Variants in SPIDR observed in about 807,000 individuals in gnomAD.
SPIDR encodes the protein scaffold protein involved in DNA repair.
A neutral mutation model predicts 104.6 loss-of-function variants in SPIDR; 93 were observed. The ratio of observed to expected loss-of-function variants is 0.89; its 90% CI spans 0.75 to 1.06. The LOEUF (loss-of-function observed/expected upper bound fraction) is 1.06. Ranked by LOEUF, SPIDR falls within the 50% of genes least tolerant of loss-of-function variation. The probability of loss-of-function intolerance (pLI) is 0.00; values close to 1 mark genes in which losing one functional copy is unlikely to be tolerated. For missense variants in SPIDR, 1,154 were observed against 1,111.2 expected (o/e 1.04, Z -0.55); for synonymous variants, 431 against 416.9 (o/e 1.03, Z -0.41).
At chr8:47,481,258 TCTGG>T (rs2076869293) in intron 8 of SPIDR, among the ~76,000 whole-genome samples, 1 of 152,198 alleles carries the variant, frequency 6.6e-6, no homozygotes, top group Non-Finnish European at 1.5e-5. Context: ...ATGAGAGAGA[TCTGG>T]GGAAAGAGAT....
intron 8 of SPIDR, among the ~76,000 whole-genome samples, chr8:47,471,767 ACTT>A (rs1390783228): frequency 1.3e-4 from 20 of 152,224 alleles, no homozygotes; most frequent in Admixed American, 3.9e-4. Context: ...ATTATTGGCT[ACTT>A]CTTCTCTGGT....
At chr8:47,398,604 A>G (rs2061500533) in intron 6 of SPIDR, among the ~76,000 whole-genome samples, 1 of 152,186 alleles carries the variant, frequency 6.6e-6, no homozygotes, top group Non-Finnish European at 1.5e-5. Flanking sequence ...GACAATCATG[A>G]GGCTTTTGGC....
chr8:47,345,238 G>T (rs1472063150), intron 5 of SPIDR, among the ~76,000 whole-genome samples: 1 of 152,126 alleles, frequency 6.6e-6, no homozygotes, highest in Non-Finnish European at 1.5e-5. Flanking sequence ...CCCATTTCTT[G>T]TTTTTGTCAG....
rs781585112 is a variant in SPIDR at position 47,712,670 on chromosome 8, T to A, written c.1986T>A (p.Ser662Arg). 2.0e-5 allele frequency: 33 copies of A among 1,613,770 alleles called. No individual in the cohort carries two copies. The Admixed American group carries it at 2.2e-4, about 11-fold the overall frequency. Residue 662 changes from serine (S) to arginine (R), a missense_variant, in exon 15 of 20, where the codon AGT (serine) becomes AGA (arginine). Physicochemically the swap from Ser to Arg is moderately radical, Grantham distance 110 (BLOSUM62 -1). Transcript: ENST00000297423. ...GTGTCTTCAAATTGTAGCTGAAGAG[T>A]CTGCTGCTTCTGGAGCAAAGGGAGA... ...TVIYQKPQLK[S>R]LLLLEQREIW...
chr8:47,534,424 T>C (rs949593134), intron 8 of SPIDR, among the ~76,000 whole-genome samples: 4 of 152,206 alleles, frequency 2.6e-5, no homozygotes, highest in South Asian at 2.1e-4. Context: ...AATGTACATA[T>C]ACACCATGGA....
chr8:47,283,117 G>C (rs1480786890), intron 2 of SPIDR, among the ~76,000 whole-genome samples: 4 of 152,190 alleles, frequency 2.6e-5, no homozygotes, highest in Non-Finnish European at 4.4e-5. Flanking sequence ...TGGCCTCCCA[G>C]AGTTCTGGGA....
chr8:47,451,320 G>A (rs1585920551), intron 8 of SPIDR, among the ~76,000 whole-genome samples: 2 of 152,044 alleles, frequency 1.3e-5, no homozygotes, highest in South Asian at 2.1e-4. Flanking sequence ...GTGACTTAAC[G>A]CCTGTAATCC....
chr8:47,693,566 G>A (rs1182212914), intron 11 of SPIDR, among the ~76,000 whole-genome samples: 1 of 152,182 alleles, frequency 6.6e-6, no homozygotes, highest in Non-Finnish European at 1.5e-5. Context: ...AGCGTTATGC[G>A]CCTCCCAGGC....
intron 5 of SPIDR, among the ~76,000 whole-genome samples, chr8:47,326,085 C>G (rs1421608875): frequency 6.6e-6 from 1 of 152,204 alleles, no homozygotes; most frequent in African/African-American, 2.4e-5. Flanking sequence ...CCTCCACCTC[C>G]CCAGTCTCAG....
Position 47,545,903 on chromosome 8 carries a change from T to C in SPIDR, c.1098-49908T>C, listed in dbSNP as rs918406619. Among the ~76,000 whole-genome samples, 6 of 152,194 alleles carry C rather than the reference T, an allele frequency of 3.9e-5. No homozygotes were observed. The East Asian group carries it at 1.2e-3, about 29-fold the overall frequency. On this transcript the variant is annotated intron_variant, in intron 8 of 19. Coordinates refer to ENST00000297423, the MANE Select transcript of SPIDR (RefSeq NM_001080394.4). ...ATTTATGTGATCATATGATTTTTTCTTTATAATTTAATGTGGTAGATTACA... is the reference window on the plus strand; with the variant it reads ...ATTTATGTGATCATATGATTTTTTCCTTATAATTTAATGTGGTAGATTACA...
intron 3 of SPIDR, among the ~76,000 whole-genome samples, chr8:47,286,803 C>A (rs1586360497): frequency 6.6e-6 from 1 of 152,186 alleles, no homozygotes; most frequent in East Asian, 1.9e-4. Flanking sequence ...AAAAGATGCT[C>A]AGCCTCAAGG....
chr8:47,696,006 G>A (rs2079282091), intron 11 of SPIDR, among the ~76,000 whole-genome samples: 1 of 152,152 alleles, frequency 6.6e-6, no homozygotes, highest in African/African-American at 2.4e-5. Flanking sequence ...CCCAGGACTT[G>A]CCCCATCCTC....
At chr8:47,490,797 G>C (rs1253624256) in intron 8 of SPIDR, among the ~76,000 whole-genome samples, 3 of 152,148 alleles carry the variant, frequency 2.0e-5, no homozygotes, top group Admixed American at 2.0e-4. Flanking sequence ...ATTGGAAAAT[G>C]AGAACACTTG....
chr8:47,542,596 A>C (rs147918239), intron 8 of SPIDR, among the ~76,000 whole-genome samples: 10 of 152,270 alleles, frequency 6.6e-5, no homozygotes, highest in African/African-American at 1.9e-4. Context: ...AGCTGATGAG[A>C]GGCATCCAAG....
At chr8:47,448,137 A>G (rs1187960393) in intron 8 of SPIDR, among the ~76,000 whole-genome samples, 1 of 152,194 alleles carries the variant, frequency 6.6e-6, no homozygotes, top group African/African-American at 2.4e-5. Flanking sequence ...ATCACTTAGA[A>G]TAATAATTTT....
chr8:47,453,957 A>G (rs1339368760), intron 8 of SPIDR, among the ~76,000 whole-genome samples: 1 of 152,144 alleles, frequency 6.6e-6, no homozygotes, highest in Non-Finnish European at 1.5e-5. Flanking sequence ...TAGAATGGTG[A>G]TCATTAAAAA....
At chr8:47,693,004 C>A (rs746060408) in intron 11 of SPIDR, among the ~76,000 whole-genome samples, 17 of 152,196 alleles carry the variant, frequency 1.1e-4, no homozygotes, top group Non-Finnish European at 2.4e-4. Flanking sequence ...TACCATCCCA[C>A]CAGCCTAATG....
chr8:47,721,622 C>G (rs539658857), intron 16 of SPIDR, among the ~76,000 whole-genome samples: 1 of 152,230 alleles, frequency 6.6e-6, no homozygotes, highest in Non-Finnish European at 1.5e-5. Context: ...CAGGCACCTG[C>G]CACCATGCCC....
intron 5 of SPIDR, among the ~76,000 whole-genome samples, chr8:47,392,862 C>A (rs1554653286): frequency 6.6e-6 from 1 of 152,180 alleles, no homozygotes. Context: ...TTCTTTAAGG[C>A]ACATTCTTAC....
Sources: gnomAD v4.1 joint callset for allele counts (sites outside exome capture counted in the v4.1 genomes callset) on GRCh38, gnomAD v4.1.1 for gene constraint, MANE v1.5 for transcripts, NCBI Gene and HGNC (gene_info 2026-07-23, HGNC 2026-07-21) for gene names.